Variants in THSD7B observed in about 807,000 individuals in gnomAD.
THSD7B encodes thrombospondin type-1 domain-containing protein 7B.
Under a neutral mutation model 213.6 loss-of-function variants are expected in THSD7B, and 138 were observed. The ratio of observed to expected loss-of-function variants is 0.65; its 90% CI spans 0.56 to 0.74. The LOEUF is 0.74. Among genes scored for constraint, THSD7B ranks in the 30% least tolerant of loss-of-function variants. The probability of loss-of-function intolerance (pLI) is 0.00; values close to 1 mark genes in which losing one functional copy is unlikely to be tolerated. For missense variants in THSD7B, 1,931 were observed against 1,991.5 expected (o/e 0.97, Z 0.58); for synonymous variants, 742 against 687.0 (o/e 1.08, Z -1.25).
intron 15 of THSD7B, among the ~76,000 whole-genome samples, chr2:137,453,326 C>CTTTT (rs70978223): frequency 0.18 from 17,361 of 96,826 alleles, 3,053 homozygotes; most frequent in Non-Finnish European, 0.21. Flanking sequence ...TTGAAATTTA[C>CTTTT]TTTTTTTTTT....
chr2:137,525,972 T>G (rs1007714839), intron 15 of THSD7B, among the ~76,000 whole-genome samples: 4 of 152,132 alleles, frequency 2.6e-5, no homozygotes, highest in Non-Finnish European at 2.9e-5. Context: ...TCTCTTCTCT[T>G]GTCCCTGGGT....
chr2:136,986,440 G>T (rs1395221919), intron 2 of THSD7B, among the ~76,000 whole-genome samples: 3 of 152,024 alleles, frequency 2.0e-5, no homozygotes, highest in African/African-American at 7.3e-5. Flanking sequence ...TTCTCCCTTT[G>T]CCTTCCACCA....
intron 9 of THSD7B, among the ~76,000 whole-genome samples, chr2:137,237,587 C>T (rs1681795828): frequency 6.6e-6 from 1 of 152,202 alleles, no homozygotes; most frequent in African/African-American, 2.4e-5. Context: ...TGTATGTGCA[C>T]ACACACAGCA....
At chr2:137,416,576 C>T (rs535153290) in intron 14 of THSD7B, among the ~76,000 whole-genome samples, 58 of 152,348 alleles carry the variant, frequency 3.8e-4, no homozygotes, top group African/African-American at 1.4e-3. Context: ...ATACCTATCA[C>T]AGGCTCTGGC....
At chr2:137,192,951 A>G (rs1261528108) in intron 7 of THSD7B, among the ~76,000 whole-genome samples, 2 of 152,132 alleles carry the variant, frequency 1.3e-5, no homozygotes, top group African/African-American at 2.4e-5. Context: ...ATAGCTTAGA[A>G]AGGAAAGCTT....
chr2:137,583,490 A>T (rs1323354945), intron 17 of THSD7B, among the ~76,000 whole-genome samples: 3 of 152,044 alleles, frequency 2.0e-5, no homozygotes, highest in Non-Finnish European at 4.4e-5. Flanking sequence ...TTTAAGTCTT[A>T]AATCCATCTT....
intron 12 of THSD7B, among the ~76,000 whole-genome samples, chr2:137,386,846 A>G (rs1402411149): frequency 1.3e-5 from 2 of 152,228 alleles, no homozygotes; most frequent in Non-Finnish European, 2.9e-5. Context: ...TTTAAGCTTA[A>G]GAGGGCTGCC....
chr2:137,187,037 T>C (rs78297692), intron 7 of THSD7B, among the ~76,000 whole-genome samples: 90 of 152,298 alleles, frequency 5.9e-4, no homozygotes, highest in Middle Eastern at 6.8e-3. Context: ...TAAAAAATTA[T>C]GCTCAGAAAA....
chr2:136,891,566 T>C (rs1248858625), intron 2 of THSD7B, among the ~76,000 whole-genome samples: 4 of 152,230 alleles, frequency 2.6e-5, no homozygotes, highest in Non-Finnish European at 5.9e-5. Flanking sequence ...ACCTCTCTTA[T>C]GTGAAATCAT....
chr2:137,255,524 C>T (rs540137083), intron 10 of THSD7B, among the ~76,000 whole-genome samples: 2 of 152,224 alleles, frequency 1.3e-5, no homozygotes, highest in South Asian at 4.1e-4. Context: ...GAGGACTCCA[C>T]CCTTGCTGTC....
At chr2:137,229,350 GGT>G (rs143029313) in intron 7 of THSD7B, among the ~76,000 whole-genome samples, 97 of 149,738 alleles carry the variant, frequency 6.5e-4, no homozygotes, top group Non-Finnish European at 7.6e-4. Flanking sequence ...TGCTGTATTG[GGT>G]GTGTGTGTGT....
chr2:137,340,981 G>GTTTTT (rs70978213), intron 12 of THSD7B, among the ~76,000 whole-genome samples: 2 of 98,654 alleles, frequency 2.0e-5, no homozygotes, highest in African/African-American at 3.4e-5. Context: ...TTCTCTTTTT[G>GTTTTT]TTTTTTTTTT....
chr2:136,891,359 CT>C (rs1683856150), intron 2 of THSD7B, among the ~76,000 whole-genome samples: 1 of 152,170 alleles, frequency 6.6e-6, no homozygotes, highest in African/African-American at 2.4e-5. Context: ...ATGTACATGA[CT>C]CAGCTGTTGG....
intron 3 of THSD7B, among the ~76,000 whole-genome samples, chr2:137,068,701 T>C (rs1687423634): frequency 6.6e-6 from 1 of 152,148 alleles, no homozygotes. Context: ...TAATTTGTTC[T>C]AAAGTACAGA....
chr2:137,516,594 G>A (rs1680073732), intron 15 of THSD7B, among the ~76,000 whole-genome samples: 1 of 152,182 alleles, frequency 6.6e-6, no homozygotes, highest in Admixed American at 6.5e-5. Context: ...TAAAGTAGGG[G>A]CTTATGAAGG....
chr2:137,669,210 C>T (rs1160484748), intron 27 of THSD7B, among the ~76,000 whole-genome samples: 1 of 152,106 alleles, frequency 6.6e-6, no homozygotes, highest in Non-Finnish European at 1.5e-5. Flanking sequence ...GATTCAAATT[C>T]AGCCATTGTC....
intron 9 of THSD7B, among the ~76,000 whole-genome samples, chr2:137,240,073 G>A (rs942320837): frequency 6.6e-6 from 1 of 152,152 alleles, no homozygotes; most frequent in Non-Finnish European, 1.5e-5. Context: ...CACTTTGGGG[G>A]TTAGGTTTCA....
intron 4 of THSD7B, among the ~76,000 whole-genome samples, chr2:137,110,243 C>T (rs1688324143): frequency 6.6e-6 from 1 of 152,168 alleles, no homozygotes; most frequent in African/African-American, 2.4e-5. Flanking sequence ...ACTGCTGTGT[C>T]TCTGTTGTCC....
chr2:137,662,175 G>T (rs921800554), intron 25 of THSD7B, among the ~76,000 whole-genome samples: 1 of 145,602 alleles, frequency 6.9e-6, no homozygotes, highest in East Asian at 2.0e-4. Flanking sequence ...CCATTCTCCT[G>T]CCTCAGCCTC....
Sources: allele counts gnomAD v4.1 joint callset (sites outside exome capture counted in the v4.1 genomes callset), GRCh38; gene constraint gnomAD v4.1.1; transcripts MANE v1.5; gene names NCBI Gene and HGNC (gene_info 2026-07-23, HGNC 2026-07-21).